The following IGF2BP3 variants were observed in gnomAD, a reference collection of about 807,000 sequenced individuals.
IGF2BP3 encodes insulin-like growth factor 2 mRNA-binding protein 3.
A neutral mutation model predicts 73.8 loss-of-function variants in IGF2BP3; 9 were observed. The ratio of observed to expected loss-of-function variants is 0.12; its 90% CI spans 0.07 to 0.21. The LOEUF (loss-of-function observed/expected upper bound fraction) is 0.21. IGF2BP3 is among the 10% of genes least tolerant of loss of function. The probability of loss-of-function intolerance (pLI) is 1.00; values close to 1 mark genes in which losing one functional copy is unlikely to be tolerated. For missense variants in IGF2BP3, 542 were observed against 714.0 expected (o/e 0.76, Z 2.75); for synonymous variants, 258 against 256.7 (o/e 1.01, Z -0.05).
intron 10 of IGF2BP3, among the ~76,000 whole-genome samples, chr7:23,338,175 CAGAG>C (rs1209519390): frequency 6.6e-6 from 1 of 151,816 alleles, no homozygotes; most frequent in Admixed American, 6.6e-5. Flanking sequence ...GCAGGTGGTC[CAGAG>C]AGAAAGAGGT....
At chr7:23,392,874 T>G (rs1244752483) in intron 3 of IGF2BP3, among the ~76,000 whole-genome samples, 1 of 152,016 alleles carries the variant, frequency 6.6e-6, no homozygotes, top group East Asian at 1.9e-4. Flanking sequence ...CAAGAAATCC[T>G]CCCACCTTGG....
At chr7:23,321,367 G>T (rs1416033926) in intron 10 of IGF2BP3, among the ~76,000 whole-genome samples, 1 of 152,226 alleles carries the variant, frequency 6.6e-6, no homozygotes, top group Non-Finnish European at 1.5e-5. Context: ...TTTCCGACGG[G>T]CTTAAAAAAC....
In IGF2BP3 at chr7:23,311,452, C is replaced by A. The variant is rs992107170; in HGVS notation, c.*910G>T. ...CCTGAAGCCATTTAAACCAGCCGTT[C>A]CAAAATCTCCTGCGACCACTTTGTT... On this transcript the variant is annotated 3_prime_UTR_variant, in exon 15 of 15. Coordinates refer to ENST00000258729, the MANE Select transcript of IGF2BP3 (RefSeq NM_006547.3). 7 of 152,570 alleles carry A rather than the reference C, an allele frequency of 4.6e-5. No individual in the cohort carries two copies. Among genetic ancestry groups the A allele is most frequent in the African/African-American group, 1.4e-4 (6 of 41,434 alleles). 9.5% of individuals were successfully genotyped at this position (152,570 alleles called of 1,614,324 possible).
chr7:23,322,532 C>CA (rs1176257537), intron 10 of IGF2BP3, among the ~76,000 whole-genome samples: 2 of 152,172 alleles, frequency 1.3e-5, no homozygotes, highest in Non-Finnish European at 2.9e-5. Context: ...CCCAATCTAG[C>CA]AAGGCAGGCC....
intron 2 of IGF2BP3, among the ~76,000 whole-genome samples, chr7:23,439,394 T>C (rs11765649): frequency 0.21 from 30,883 of 145,528 alleles, 3,518 homozygotes; most frequent in South Asian, 0.32. Flanking sequence ...CTACTAAAAA[T>C]ACAAAAAAAA....
intron 2 of IGF2BP3, among the ~76,000 whole-genome samples, chr7:23,450,342 T>C (rs1305990888): frequency 6.6e-6 from 1 of 152,192 alleles, no homozygotes; most frequent in African/African-American, 2.4e-5. Context: ...AAGCAAAATG[T>C]AGTTACTTAA....
rs117375590 is a variant in IGF2BP3, at chr7:23,365,002, C to T, written c.286-3261G>A. 2.3e-3 allele frequency among the ~76,000 whole-genome samples: 345 copies of T among 152,204 alleles called. 7 individuals carry two copies. The East Asian group carries it at 0.056, about 25-fold the overall frequency. On this transcript the variant is annotated intron_variant, in intron 3 of 14. Coordinates refer to ENST00000258729, the MANE Select transcript of IGF2BP3 (RefSeq NM_006547.3). ...CCAACATGGTGAAACCCCATACCTA[C>T]TAAACATACAAACATTAGCCTGCAG...
intron 2 of IGF2BP3, among the ~76,000 whole-genome samples, chr7:23,459,622 G>C (rs544052771): frequency 1.3e-5 from 2 of 151,530 alleles, no homozygotes; most frequent in Non-Finnish European, 2.9e-5. Context: ...CACAAGGTCA[G>C]GAGTTCGAGA....
chr7:23,406,015 C>G (rs1174495914), intron 3 of IGF2BP3, among the ~76,000 whole-genome samples: 1 of 151,080 alleles, frequency 6.6e-6, no homozygotes, highest in African/African-American at 2.4e-5. Flanking sequence ...CTCTTCAGAA[C>G]CTCTGGACGA....
At chr7:23,344,595 T>C (rs1784788174) in intron 8 of IGF2BP3, among the ~76,000 whole-genome samples, 1 of 152,216 alleles carries the variant, frequency 6.6e-6, no homozygotes, top group Non-Finnish European at 1.5e-5. Context: ...AAGCCTATGC[T>C]GGTCAACAGC....
At chr7:23,365,921 A>G (rs996350863) in intron 3 of IGF2BP3, 7 of 152,336 alleles carry the variant, frequency 4.6e-5, no homozygotes, top group African/African-American at 1.7e-4. Flanking sequence ...TTGATTACCT[A>G]TGTACCTGTT....
intron 3 of IGF2BP3, among the ~76,000 whole-genome samples, chr7:23,404,814 CTGA>C (rs949365474): frequency 6.6e-6 from 1 of 152,044 alleles, no homozygotes; most frequent in African/African-American, 2.4e-5. Context: ...TTTCTGGTTG[CTGA>C]TAATAAAATT....
At chr7:23,449,110 AT>A (rs1165757580) in intron 2 of IGF2BP3, among the ~76,000 whole-genome samples, 2 of 135,244 alleles carry the variant, frequency 1.5e-5, no homozygotes, top group Non-Finnish European at 3.2e-5. Flanking sequence ...TCCTATACCG[AT>A]TTATTATCTT....
intron 3 of IGF2BP3, among the ~76,000 whole-genome samples, chr7:23,398,715 T>C (rs1298901855): frequency 1.3e-5 from 2 of 152,258 alleles, no homozygotes; most frequent in Admixed American, 1.3e-4. Flanking sequence ...TGTCTTCTTT[T>C]GAGAAGTGTC....
At chr7:23,407,153 T>A (rs1786858129) in intron 3 of IGF2BP3, among the ~76,000 whole-genome samples, 1 of 149,720 alleles carries the variant, frequency 6.7e-6, no homozygotes, top group South Asian at 2.1e-4. Flanking sequence ...CAAAGCTTTA[T>A]GCAACTTGTC....
At chr7:23,431,639 GA>G (rs373024360) in intron 2 of IGF2BP3, among the ~76,000 whole-genome samples, 2,650 of 146,062 alleles carry the variant, frequency 0.018, 73 homozygotes, top group African/African-American at 0.054. Context: ...AAGGAAGGGG[GA>G]AAAAAAAAAG....
Position 23,312,835 on chromosome 7 carries a change from T to C in IGF2BP3, c.1541A>G (p.Gln514Arg), listed in dbSNP as rs1391164582. 1 of 1,606,056 alleles carries C rather than the reference T, an allele frequency of 6.2e-7. No homozygotes were observed. Among genetic ancestry groups the C allele is most frequent in the Non-Finnish European group, 8.5e-7 (1 of 1,176,078 alleles). ...GKGGKTVNEL[Q>R]NLSSAEVVVP... Reference sequence around the variant, plus strand: ...AACAACTTCTGCACTTGACAAATTCTGAAGTTCATTCACCTGAAAGAGATA... The same window carrying C: ...AACAACTTCTGCACTTGACAAATTCCGAAGTTCATTCACCTGAAAGAGATA... Residue 514 changes from glutamine to arginine, a missense_variant, in exon 14 of 15, where the codon CAG (glutamine) becomes CGG (arginine). By Grantham distance (43) the Gln-to-Arg change is conservative (BLOSUM62 1). Coordinates refer to ENST00000258729, the MANE Select transcript of IGF2BP3 (RefSeq NM_006547.3).
intron 2 of IGF2BP3, among the ~76,000 whole-genome samples, chr7:23,440,880 C>G (rs1478190899): frequency 6.6e-6 from 1 of 152,162 alleles, no homozygotes; most frequent in Non-Finnish European, 1.5e-5. Flanking sequence ...CATAAGAATA[C>G]AATATCAGTT....
chr7:23,422,946 A>G (rs1349168188), intron 2 of IGF2BP3, among the ~76,000 whole-genome samples: 3 of 152,046 alleles, frequency 2.0e-5, no homozygotes, highest in African/African-American at 4.8e-5. Context: ...TTAGATGCCC[A>G]CTAACTTTAG....
Sources: allele counts gnomAD v4.1 joint callset (sites outside exome capture counted in the v4.1 genomes callset), GRCh38; gene constraint gnomAD v4.1.1; transcripts MANE v1.5; gene names NCBI Gene and HGNC (gene_info 2026-07-23, HGNC 2026-07-21).